GRM1: variants seen among roughly 807,000 people sequenced by gnomAD.
The protein encoded by GRM1 is metabotropic glutamate receptor 1.
Under a neutral mutation model 90.9 loss-of-function variants are expected in GRM1, and 33 were observed. The observed-to-expected ratio is 0.36, with a 90% CI of 0.28 to 0.49. The LOEUF (loss-of-function observed/expected upper bound fraction) is 0.49. Among genes scored for constraint, GRM1 ranks in the 20% least tolerant of loss-of-function variants. The pLI, the probability that GRM1 is intolerant of heterozygous loss-of-function variation, is 0.99. For missense variants in GRM1, 1,190 were observed against 1,534.3 expected, an observed-to-expected ratio of 0.78 and a Z score of 3.75; for synonymous variants, 700 against 613.2, an observed-to-expected ratio of 1.14 and a Z score of -2.09.
intron 1 of GRM1, among the ~76,000 whole-genome samples, chr6:146,113,652 T>G (rs1380935555): frequency 6.6e-6 from 1 of 152,172 alleles, no homozygotes; most frequent in Non-Finnish European, 1.5e-5. Context: ...AGGCTAGTGA[T>G]GTTTTGATGT....
chr6:146,109,479 A>C (rs538806312), intron 1 of GRM1, among the ~76,000 whole-genome samples: 27 of 152,190 alleles, frequency 1.8e-4, no homozygotes, highest in Non-Finnish European at 3.5e-4. Context: ...CCTAGATTTC[A>C]GAAGATATAT....
intron 1 of GRM1, among the ~76,000 whole-genome samples, chr6:146,069,075 C>T (rs917353808): frequency 1.3e-5 from 2 of 152,140 alleles, no homozygotes; most frequent in African/African-American, 2.4e-5. Flanking sequence ...TGTCAGTGGT[C>T]CCCAAACATC....
intron 7 of GRM1, among the ~76,000 whole-genome samples, chr6:146,426,022 G>A (rs963180700): frequency 6.6e-6 from 1 of 152,098 alleles, no homozygotes; most frequent in African/African-American, 2.4e-5. Context: ...CTCAACAGGT[G>A]GGTCTGTTGC....
chr6:146,419,679 G>A (rs576019937), intron 7 of GRM1, among the ~76,000 whole-genome samples: 13 of 152,268 alleles, frequency 8.5e-5, no homozygotes, highest in African/African-American at 3.1e-4. Flanking sequence ...GGCAGAAGGC[G>A]AAGGGAAAGC....
chr6:146,164,787 G>A (rs1043818889), intron 2 of GRM1, among the ~76,000 whole-genome samples: 4 of 152,104 alleles, frequency 2.6e-5, no homozygotes, highest in East Asian at 3.9e-4. Context: ...ATTATCCTGA[G>A]CCTCCACCCT....
chr6:146,270,905 CT>C (rs1435709085), intron 2 of GRM1, among the ~76,000 whole-genome samples: 237 of 112,678 alleles, frequency 2.1e-3, no homozygotes, highest in Non-Finnish European at 2.5e-3. Context: ...TTCTTTCTTT[CT>C]TTCTTTCTTC....
chr6:146,045,625 G>T (rs1349924268), intron 1 of GRM1, among the ~76,000 whole-genome samples: 1 of 151,632 alleles, frequency 6.6e-6, no homozygotes, highest in Non-Finnish European at 1.5e-5. Flanking sequence ...AAATGTAAAT[G>T]AAACAAGATG....
At chr6:146,191,084 T>C (rs545665788) in intron 2 of GRM1, among the ~76,000 whole-genome samples, 4 of 152,338 alleles carry the variant, frequency 2.6e-5, no homozygotes, top group Admixed American at 2.6e-4. Flanking sequence ...CTCTGCTGTT[T>C]GGAAAGGTCT....
chr6:146,433,210 T>C (rs362824), intron 7 of GRM1, among the ~76,000 whole-genome samples: 2,408 of 152,310 alleles, frequency 0.016, 21 homozygotes, highest in Non-Finnish European at 0.023. Context: ...TGAGAAATAA[T>C]GCATTGAAAT....
At chr6:146,128,795 G>A (rs188544216) in intron 1 of GRM1, among the ~76,000 whole-genome samples, 40 of 152,094 alleles carry the variant, frequency 2.6e-4, no homozygotes, top group Non-Finnish European at 4.9e-4. Context: ...AGAATCTTTC[G>A]TTTTAAAAGA....
At chr6:146,430,083 T>C (rs1173438077) in intron 7 of GRM1, among the ~76,000 whole-genome samples, 1 of 152,198 alleles carries the variant, frequency 6.6e-6, no homozygotes, top group Non-Finnish European at 1.5e-5. Flanking sequence ...ACTCTGCAGA[T>C]GTAACTAGTA....
At chr6:146,218,237 G>T (rs1488550920) in intron 2 of GRM1, among the ~76,000 whole-genome samples, 1 of 152,144 alleles carries the variant, frequency 6.6e-6, no homozygotes, top group Non-Finnish European at 1.5e-5. Flanking sequence ...CTGGTTATTA[G>T]AATTCAGTTT....
intron 2 of GRM1, among the ~76,000 whole-genome samples, chr6:146,290,603 C>T (rs1782945694): frequency 6.6e-6 from 1 of 152,076 alleles, no homozygotes; most frequent in Non-Finnish European, 1.5e-5. Context: ...TTTGAAATTG[C>T]TTGCGATTGG....
intron 5 of GRM1, among the ~76,000 whole-genome samples, chr6:146,369,456 T>C (rs957916254): frequency 2.0e-5 from 3 of 152,024 alleles, no homozygotes; most frequent in African/African-American, 7.2e-5. Context: ...TAGGTATTTA[T>C]TGCTGTAAAC....
At chr6:146,426,937 A>G (rs1271572656) in intron 7 of GRM1, among the ~76,000 whole-genome samples, 1 of 152,024 alleles carries the variant, frequency 6.6e-6, no homozygotes, top group Non-Finnish European at 1.5e-5. Flanking sequence ...CCGAAAGTGA[A>G]TTTTCCCCCT....
chr6:146,204,219 G>GA (rs1297470257), intron 2 of GRM1, among the ~76,000 whole-genome samples: 1 of 151,940 alleles, frequency 6.6e-6, no homozygotes, highest in Non-Finnish European at 1.5e-5. Context: ...AGCGATGAAA[G>GA]AAAAAAATGC....
intron 2 of GRM1, among the ~76,000 whole-genome samples, chr6:146,296,118 A>C (rs146570174): frequency 6.6e-6 from 1 of 152,162 alleles, no homozygotes; most frequent in African/African-American, 2.4e-5. Context: ...CCAATCTGTT[A>C]TAGATGGGCA....
intron 3 of GRM1, among the ~76,000 whole-genome samples, chr6:146,327,972 C>T (rs1440861461): frequency 6.6e-6 from 1 of 152,112 alleles, no homozygotes; most frequent in Admixed American, 6.6e-5. Context: ...TTTCCACAGG[C>T]AAGGATGTGA....
At chr6:146,283,462 T>G (rs967718480) in intron 2 of GRM1, among the ~76,000 whole-genome samples, 1 of 152,196 alleles carries the variant, frequency 6.6e-6, no homozygotes, top group East Asian at 1.9e-4. Context: ...GGCATACTTC[T>G]GCAAGAAACA....
Sources: allele counts gnomAD v4.1 joint callset (sites outside exome capture counted in the v4.1 genomes callset), GRCh38; gene constraint gnomAD v4.1.1; transcripts MANE v1.5; gene names NCBI Gene and HGNC (gene_info 2026-07-23, HGNC 2026-07-21).